Variants in AVPR1B observed in about 807,000 individuals in gnomAD.
The protein encoded by AVPR1B is arginine vasopressin receptor 1B.
A neutral mutation model predicts 27.5 loss-of-function variants in AVPR1B; 25 were observed. The ratio of observed to expected loss-of-function variants is 0.91; its 90% CI spans 0.66 to 1.27. The LOEUF (loss-of-function observed/expected upper bound fraction) is 1.27, where lower values mean the gene tolerates loss of function less well. Among genes scored for constraint, AVPR1B ranks in the 50% most tolerant of loss-of-function variants. The pLI, the probability that AVPR1B is intolerant of heterozygous loss-of-function variation, is 0.00. For missense variants in AVPR1B, 595 were observed against 556.9 expected, an observed-to-expected ratio of 1.07 and a Z score of -0.69; for synonymous variants, 248 against 240.2, an observed-to-expected ratio of 1.03 and a Z score of -0.30.
In AVPR1B at chr1:206,110,063, G is replaced by C. The variant is rs34880131; in HGVS notation, c.*126C>G. On this transcript the variant is annotated 3_prime_UTR_variant, in exon 2 of 2. Coordinates refer to ENST00000367126, the MANE Select transcript of AVPR1B (RefSeq NM_000707.5). ...GTAGGGGACCCATTCTGGCCTTTTC[G>C]CTCCGCTTTAGACAGGGCTCCTCTA... is the stretch of plus-strand genomic sequence containing the variant. The C allele has an allele frequency of 3.9e-3, 4,556 of 1,170,268 alleles. 113 individuals are homozygous for C. The African/African-American group carries it at 0.055, about 14-fold the overall frequency. 72.5% of individuals were successfully genotyped at this position (1,170,268 alleles called of 1,614,324 possible). A position where few individuals can be genotyped will look rare whatever the true frequency, so the allele number is the denominator to read the frequency against.
rs35387128 is a variant in AVPR1B, at chr1:206,106,974, C to G, written c.*3215G>C. 0.013 allele frequency among the ~76,000 whole-genome samples: 1,951 copies of G among 152,342 alleles called. 53 individuals are homozygous for G. The highest frequency in any genetic ancestry group is 0.071 in the Admixed American group (1,083 of 15,296). Reference sequence around the variant, plus strand: ...AAATCTTTTTATTGGTGAATTTCAACCTGGGTTTCTGACCCAGGAATGAAC... The same window carrying G: ...AAATCTTTTTATTGGTGAATTTCAAGCTGGGTTTCTGACCCAGGAATGAAC... On this transcript the variant is annotated 3_prime_UTR_variant, in exon 2 of 2. Transcript: ENST00000367126.
chr1:206,110,702 T>C (rs28733981), intron 1 of AVPR1B, among the ~76,000 whole-genome samples, 179 bp from the exon 2 acceptor site: 40,723 of 152,106 alleles, frequency 0.27, 7,663 homozygotes, highest in African/African-American at 0.54. Flanking sequence ...CTGGGACTCC[T>C]GGCTCCAGAG....
chr1:206,116,902 G>C lies in AVPR1B; in HGVS notation c.-12C>G. On this transcript the variant is annotated 5_prime_UTR_variant, in exon 1 of 2. Coordinates refer to ENST00000367126, the MANE Select transcript of AVPR1B (RefSeq NM_000707.5). Reference sequence around the variant, plus strand: ...GGCCCAGAATCCATGAGCAAGGTTTGCTGGGAGGGAAGGATGAAGGGAGGG... The same window carrying C: ...GGCCCAGAATCCATGAGCAAGGTTTCCTGGGAGGGAAGGATGAAGGGAGGG... 1 of 1,596,540 alleles carries C rather than the reference G, an allele frequency of 6.3e-7. No homozygotes were observed. Among genetic ancestry groups the C allele is most frequent in the Non-Finnish European group, 8.5e-7 (1 of 1,169,916 alleles).
At position 206,116,683 on chromosome 1, in the gene AVPR1B, G is replaced by A. The variant is rs782118712; in HGVS notation, c.208C>T (p.His70Tyr). 20 of 1,608,794 alleles carry A rather than the reference G, an allele frequency of 1.2e-5. No homozygotes were observed. In the Middle Eastern group the frequency reaches 5.0e-4, roughly 40 times the overall value. ...AGGGCTAAGTGCAGCACGAACAGGT[G>A]CATGCGGGAGCGCTTGCGGCCCAGC... ...GQLGRKRSRM[H>Y]LFVLHLALTD... The change falls in exon 1 of 2, where the codon CAC (histidine) becomes TAC (tyrosine). Residue 70 changes from histidine (H) to tyrosine (Y), a missense_variant. Transcript: ENST00000367126.
rs782430010 is a variant in AVPR1B at position 206,116,637 on chromosome 1, A to T, written c.254T>A (p.Leu85His). ...HLALTDLAVA[L>H]FQVLPQLLWD... ...CAGCAGCTGTGGCAGCACCTGGAAG[A>T]GCGCCACGGCCAGGTCTGTCAGGGC... Residue 85 changes from leucine to histidine, a missense_variant, in exon 1 of 2, where the codon CTC becomes CAC. Coordinates refer to ENST00000367126, the MANE Select transcript of AVPR1B (RefSeq NM_000707.5). The T allele has an allele frequency of 1.9e-6, 3 of 1,613,704 alleles. No individual in the cohort carries two copies. In the South Asian group the frequency reaches 3.3e-5, roughly 18 times the overall value.
chr1:206,110,338 G>A lies in AVPR1B; in HGVS notation c.1126C>T (p.His376Tyr). The change falls in exon 2 of 2, where the codon CAC (histidine) becomes TAC (tyrosine). Residue 376 changes from histidine (H) to tyrosine (Y), a missense_variant. By Grantham distance (83) the His-to-Tyr change is moderately conservative. Coordinates refer to ENST00000367126, the MANE Select transcript of AVPR1B (RefSeq NM_000707.5). ...CTGGAGCGGGTCAGCAGCGTGGTGT[G>A]GCGGCTCGAGAGGCTGCCGTCGGAG... is the stretch of plus-strand genomic sequence containing the variant. Reference protein sequence around the residue: ...RLSDGSLSSRHTTLLTRSSCP... With the variant: ...RLSDGSLSSRYTTLLTRSSCP... 6.2e-7 allele frequency: 1 copy of A among 1,611,420 alleles called. No homozygotes were observed. The highest frequency in any genetic ancestry group is 8.5e-7 in the Non-Finnish European group (1 of 1,179,294).
Position 206,116,422 on chromosome 1 carries a change from G to T in AVPR1B, c.469C>A (p.Pro157Thr). The T allele has an allele frequency of 6.2e-7, 1 of 1,613,948 alleles. No homozygotes were observed. Among genetic ancestry groups the T allele is most frequent in the Non-Finnish European group, 8.5e-7 (1 of 1,180,036 alleles). The change falls in exon 1 of 2, where the codon CCC (proline) becomes ACC (threonine). Residue 157 changes from proline to threonine, a missense_variant. Pro to Thr is a conservative substitution (Grantham distance 38, BLOSUM62 -1). Coordinates refer to ENST00000367126, the MANE Select transcript of AVPR1B (RefSeq NM_000707.5). ...CTGAAGATGGCGGCCAGCAGCCAGG[G>T]AGCAGCGATGAGCAGGTAGGTGGAC... ...GQSTYLLIAA[P>T]WLLAAIFSLP...
intron 1 of AVPR1B, among the ~76,000 whole-genome samples, chr1:206,115,080 T>C (rs1663441470): frequency 6.6e-6 from 1 of 152,206 alleles, no homozygotes; most frequent in Non-Finnish European, 1.5e-5. Flanking sequence ...GAGAATCAGC[T>C]CATTAAAGCT....
chr1:206,112,286 G>A (rs373579685), intron 1 of AVPR1B, among the ~76,000 whole-genome samples: 1 of 152,154 alleles, frequency 6.6e-6, no homozygotes, highest in Admixed American at 6.5e-5. Context: ...AGTGTTGGAC[G>A]TGGGCCTGAT....
In AVPR1B at chr1:206,115,950, C is replaced by T. The variant is rs782098475; in HGVS notation, c.940+1G>A. The stretch of plus-strand genomic sequence containing the variant: ...ACTGCCCCCACATAGACCCCACTTG[C>T]CTTCATCAGGGGCATTCTTGTCCCA... On this transcript the variant is annotated splice_donor_variant, in intron 1 of 1. Transcript: ENST00000367126. LOFTEE classifies it high-confidence loss of function. 1.0e-5 allele frequency: 16 copies of T among 1,591,378 alleles called. No individual in the cohort carries two copies. In the East Asian group the frequency reaches 3.6e-4, roughly 36 times the overall value.
chr1:206,116,201 T>C lies in AVPR1B; in HGVS notation c.690A>G (p.Leu230=), dbSNP rs1663466108. The change falls in exon 1 of 2, where the codon CTA becomes CTG. Residue 230 remains leucine (L), a synonymous_variant. Coordinates refer to ENST00000367126, the MANE Select transcript of AVPR1B (RefSeq NM_000707.5). Reference sequence around the variant, plus strand: ...CCCGCCAGGCCTGTGTCTTGACTTTTAGGTTTTTACAGATCTCATGGCAGA... The same window carrying C: ...CCCGCCAGGCCTGTGTCTTGACTTTCAGGTTTTTACAGATCTCATGGCAGA... ...SLICHEICKN[L]KVKTQAWRVG... is the part of the protein sequence containing the mutation. 2.5e-6 allele frequency: 4 copies of C among 1,613,998 alleles called. No individual in the cohort carries two copies. The South Asian group carries it at 3.3e-5, about 13-fold the overall frequency.
chr1:206,116,695 G>T lies in AVPR1B; in HGVS notation c.196C>A (p.Arg66Ser). The T allele has an allele frequency of 6.2e-7, 1 of 1,608,168 alleles. No homozygotes were observed. Among genetic ancestry groups the T allele is most frequent in the Non-Finnish European group, 8.5e-7 (1 of 1,176,706 alleles). The change falls in exon 1 of 2, where the codon CGC becomes AGC. Residue 66 changes from arginine (R) to serine (S), a missense_variant. Arg to Ser is a moderately radical substitution (Grantham distance 110). Transcript: ENST00000367126. ...LLTLGQLGRKRSRMHLFVLHL... is the reference protein window; with the variant it reads ...LLTLGQLGRKSSRMHLFVLHL... ...AGCACGAACAGGTGCATGCGGGAGC[G>T]CTTGCGGCCCAGCTGGCCCAGGGTC...
chr1:206,114,099 T>G (rs752642240), intron 1 of AVPR1B, among the ~76,000 whole-genome samples: 1 of 152,222 alleles, frequency 6.6e-6, no homozygotes, highest in Non-Finnish European at 1.5e-5. Context: ...CTTGCATGGT[T>G]GTATTAAATT....
chr1:206,110,064 C>T lies in AVPR1B; in HGVS notation c.*125G>A, dbSNP rs1352223403. On this transcript the variant is annotated 3_prime_UTR_variant, in exon 2 of 2. Transcript: ENST00000367126. ...TAGGGGACCCATTCTGGCCTTTTCG[C>T]TCCGCTTTAGACAGGGCTCCTCTAA... 1 of 1,194,552 alleles carries T rather than the reference C, an allele frequency of 8.4e-7. No individual in the cohort carries two copies. Among genetic ancestry groups the T allele is most frequent in the Non-Finnish European group, 1.2e-6 (1 of 867,018 alleles). 74.0% of individuals were successfully genotyped at this position (1,194,552 alleles called of 1,614,324 possible).
In AVPR1B at chr1:206,110,334, G is replaced by A; in HGVS notation, c.1130C>T (p.Thr377Ile). Residue 377 changes from threonine to isoleucine, a missense_variant, in exon 2 of 2, where the codon ACC becomes ATC. Coordinates refer to ENST00000367126, the MANE Select transcript of AVPR1B (RefSeq NM_000707.5). ...LSDGSLSSRH[T>I]TLLTRSSCPA... ...GCAGCTGGAGCGGGTCAGCAGCGTG[G>A]TGTGGCGGCTCGAGAGGCTGCCGTC... The A allele has an allele frequency of 6.2e-7, 1 of 1,612,264 alleles. No homozygotes were observed. Among genetic ancestry groups the A allele is most frequent in the Non-Finnish European group, 8.5e-7 (1 of 1,179,534 alleles).
chr1:206,113,953 T>C (rs529563574), intron 1 of AVPR1B, among the ~76,000 whole-genome samples: 2 of 152,310 alleles, frequency 1.3e-5, no homozygotes, highest in South Asian at 4.1e-4. Context: ...GTCCCTACAG[T>C]TGGCTAGAAT....
rs1406779449 is a variant in AVPR1B at position 206,107,652 on chromosome 1, G to A, written c.*2537C>T. 5.3e-5 allele frequency among the ~76,000 whole-genome samples: 8 copies of A among 152,228 alleles called. No homozygotes were observed. The highest frequency in any genetic ancestry group is 1.9e-4 in the African/African-American group (8 of 41,458). On this transcript the variant is annotated 3_prime_UTR_variant, in exon 2 of 2. Transcript: ENST00000367126. ...CCCAAGTAAATTATTCTTGTGCAAT[G>A]CAAAACAGAAAATATCATAGTAGTA... is the stretch of plus-strand genomic sequence containing the variant.
Position 206,110,201 on chromosome 1 carries a change from G to A in AVPR1B, c.1263C>T (p.Thr421=), listed in dbSNP as rs369198708. 1.3e-5 allele frequency: 21 copies of A among 1,607,086 alleles called. No homozygotes were observed. The African/African-American group carries it at 2.4e-4, about 18-fold the overall frequency. The change falls in exon 2 of 2, where the codon ACC becomes ACT. Residue 421 remains threonine (T), a synonymous_variant. Coordinates refer to ENST00000367126, the MANE Select transcript of AVPR1B (RefSeq NM_000707.5). The part of the protein sequence containing the change: ...ELADGEGTAE[T]IIF Reference sequence around the variant, plus strand: ...CAGCGAGTCTTTCCTAAAAGATGATGGTCTCAGCGGTGCCTTCCCCATCTG... The same window carrying A: ...CAGCGAGTCTTTCCTAAAAGATGATAGTCTCAGCGGTGCCTTCCCCATCTG...
At chr1:206,115,328 G>A (rs1295201836) in intron 1 of AVPR1B, among the ~76,000 whole-genome samples, 1 of 152,162 alleles carries the variant, frequency 6.6e-6, no homozygotes, top group Admixed American at 6.5e-5. Flanking sequence ...CTCCGAGAGT[G>A]TTACTGTGCT....
Sources: gnomAD v4.1 joint callset for allele counts (sites outside exome capture counted in the v4.1 genomes callset) on GRCh38, gnomAD v4.1.1 for gene constraint, MANE v1.5 for transcripts, NCBI Gene and HGNC (gene_info 2026-07-23, HGNC 2026-07-21) for gene names.